Variants in AKAP13 observed in about 807,000 individuals in gnomAD.
The protein encoded by AKAP13 is A-kinase anchor protein 13.
AKAP13 carries 80 observed loss-of-function variants against 264.5 expected under a neutral mutation model. The observed-to-expected ratio is 0.30, with a 90% CI of 0.25 to 0.36. The LOEUF is 0.36. Ranked by LOEUF, AKAP13 falls within the 10% of genes least tolerant of loss-of-function variation. AKAP13 has a pLI of 1.00. For missense variants in AKAP13, 3,712 were observed against 3,435.2 expected (o/e 1.08, Z -2.01); for synonymous variants, 1,380 against 1,250.2 (o/e 1.10, Z -2.19).
chr15:85,529,041 T>C (rs1325383703), intron 3 of AKAP13, among the ~76,000 whole-genome samples: 3 of 152,228 alleles, frequency 2.0e-5, no homozygotes, highest in Non-Finnish European at 4.4e-5. Context: ...CTTCTGTTTT[T>C]ATGCAGAAAG....
At chr15:85,396,945 A>G (rs1441947390) in intron 1 of AKAP13, among the ~76,000 whole-genome samples, 2 of 143,340 alleles carry the variant, frequency 1.4e-5, no homozygotes, top group Admixed American at 7.2e-5. Context: ...TCTCTTAAGT[A>G]CCAGCACAGG....
In AKAP13 at chr15:85,719,104, C is replaced by T; in HGVS notation, c.6030C>T (p.Val2010=). 1 of 1,614,058 alleles carries T rather than the reference C, an allele frequency of 6.2e-7. No individual in the cohort carries two copies. Among genetic ancestry groups the T allele is most frequent in the Non-Finnish European group, 8.5e-7 (1 of 1,180,028 alleles). ...YELMQTEFHH[V]RTLKIMSGVY... is the part of the protein sequence containing the mutation. ...TGATGCAGACAGAGTTTCATCATGT[C>T]CGCACTCTCAAGATCATGAGTGGTG... The change falls in exon 23 of 37, where the codon GTC becomes GTT. Residue 2010 remains valine (V), a synonymous_variant. Coordinates refer to ENST00000394518, the MANE Select transcript of AKAP13 (RefSeq NM_007200.5).
chr15:85,641,086 T>G (rs979314320), intron 9 of AKAP13, among the ~76,000 whole-genome samples: 1 of 152,174 alleles, frequency 6.6e-6, no homozygotes, highest in Admixed American at 6.5e-5. Flanking sequence ...GTACTTTGTT[T>G]TGCAGGTTTC....
Position 85,579,704 on chromosome 15 carries a change from A to G in AKAP13, c.1636A>G (p.Asn546Asp), listed in dbSNP as rs149722963. 3 of 1,614,118 alleles carry G rather than the reference A, an allele frequency of 1.9e-6. No homozygotes were observed. The African/African-American group carries it at 4.0e-5, about 22-fold the overall frequency. Residue 546 changes from asparagine to aspartate, a missense_variant, in exon 7 of 37, where the codon AAC becomes GAC. By Grantham distance (23) the Asn-to-Asp change is conservative. Transcript: ENST00000394518. ...CAPAASSLDG[N>D]KPAESSLAFS... The stretch of plus-strand genomic sequence containing the variant: ...CCCTGCTGCCAGTTCCCTGGATGGT[A>G]ACAAACCTGCTGAGTCTTCACTTGC...
At chr15:85,692,251 A>G (rs1460397636) in intron 16 of AKAP13, among the ~76,000 whole-genome samples, 2 of 152,192 alleles carry the variant, frequency 1.3e-5, no homozygotes, top group Non-Finnish European at 2.9e-5. Context: ...AATGAAACTC[A>G]TTTCCAGTAA....
chr15:85,667,203 G>C (rs777184765), intron 13 of AKAP13, among the ~76,000 whole-genome samples: 11 of 152,172 alleles, frequency 7.2e-5, no homozygotes, highest in Non-Finnish European at 1.6e-4. Context: ...GCACTAACAT[G>C]ACCAAATATA....
chr15:85,715,771 G>T lies in AKAP13; in HGVS notation c.5600-17G>T. The T allele has an allele frequency of 1.2e-6, 2 of 1,602,264 alleles. No individual in the cohort carries two copies. Among genetic ancestry groups the T allele is most frequent in the Non-Finnish European group, 1.7e-6 (2 of 1,177,180 alleles). On this transcript the variant is annotated splice_polypyrimidine_tract_variant and intron_variant, in intron 19 of 36. Coordinates refer to ENST00000394518, the MANE Select transcript of AKAP13 (RefSeq NM_007200.5). ...AGCTGGATGGGTGATGCTTCAGTTA[G>T]TGTCCTCCTTTTGCAGCCTCACAGC...
chr15:85,694,726 C>A (rs72748170), intron 17 of AKAP13, among the ~76,000 whole-genome samples: 14,229 of 152,206 alleles, frequency 0.093, 813 homozygotes, highest in East Asian at 0.2. Flanking sequence ...TGCTTCTGGT[C>A]AGAGGTGACA....
chr15:85,466,062 G>C (rs12595689), intron 1 of AKAP13, among the ~76,000 whole-genome samples: 15,958 of 151,924 alleles, frequency 0.11, 1,285 homozygotes, highest in South Asian at 0.33. Flanking sequence ...GTGTGAGATG[G>C]TATCTCATTG....
intron 1 of AKAP13, 87 bp from the exon 2 acceptor site, chr15:85,485,623 A>T (rs1022758824): frequency 8.7e-7 from 1 of 1,148,070 alleles, no homozygotes; most frequent in Non-Finnish European, 1.3e-6. Flanking sequence ...TCACAGAGCT[A>T]TGCTTGACAC....
chr15:85,554,397 T>C (rs2078067050), intron 5 of AKAP13, among the ~76,000 whole-genome samples: 1 of 152,200 alleles, frequency 6.6e-6, no homozygotes, highest in Admixed American at 6.5e-5. Context: ...TGATATCTCT[T>C]TTAACCACCA....
intron 1 of AKAP13, among the ~76,000 whole-genome samples, chr15:85,424,323 C>A (rs1460944600): frequency 6.6e-6 from 1 of 152,186 alleles, no homozygotes; most frequent in Admixed American, 6.5e-5. Context: ...GGATAACTTC[C>A]TGCAGCTTCT....
chr15:85,437,609 A>C (rs546164208), intron 1 of AKAP13, among the ~76,000 whole-genome samples: 1 of 152,284 alleles, frequency 6.6e-6, no homozygotes, highest in African/African-American at 2.4e-5. Flanking sequence ...GCACATCAAA[A>C]AGCTTATCCG....
chr15:85,619,338 T>C (rs2081075989), intron 8 of AKAP13: 1 of 982,418 alleles, frequency 1.0e-6, no homozygotes. Flanking sequence ...AGGAGGAGGC[T>C]GGCTAGGGAG....
intron 1 of AKAP13, among the ~76,000 whole-genome samples, chr15:85,414,831 G>A (rs2150880999): frequency 6.6e-6 from 1 of 152,328 alleles, no homozygotes; most frequent in South Asian, 2.1e-4. Flanking sequence ...CTTAGGCTTT[G>A]CCTTGTATTA....
chr15:85,478,084 G>A (rs940239285), intron 1 of AKAP13, among the ~76,000 whole-genome samples: 3 of 152,098 alleles, frequency 2.0e-5, no homozygotes, highest in African/African-American at 7.2e-5. Flanking sequence ...GCTCCTTCCT[G>A]ATCCTTGTAA....
intron 33 of AKAP13, 56 bp downstream of exon 33, chr15:85,736,190 A>G (rs2088477139): frequency 2.8e-6 from 4 of 1,410,358 alleles, no homozygotes; most frequent in African/African-American, 1.4e-5. Context: ...TTGTCAAGTT[A>G]GGAATATTGT....
intron 1 of AKAP13, among the ~76,000 whole-genome samples, chr15:85,398,756 A>G (rs1019309325): frequency 2.6e-5 from 4 of 152,124 alleles, no homozygotes; most frequent in African/African-American, 9.7e-5. Flanking sequence ...GGGTTTCACC[A>G]TGTTGGCCAG....
chr15:85,638,571 C>A (rs1213460067), intron 8 of AKAP13, among the ~76,000 whole-genome samples: 1 of 151,940 alleles, frequency 6.6e-6, no homozygotes, highest in African/African-American at 2.4e-5. Context: ...TTGAAATCTT[C>A]AGTGGTAATT....
Sources: allele counts gnomAD v4.1 joint callset (sites outside exome capture counted in the v4.1 genomes callset), GRCh38; gene constraint gnomAD v4.1.1; transcripts MANE v1.5; gene names NCBI Gene and HGNC (gene_info 2026-07-23, HGNC 2026-07-21).